REV3L: variants seen among roughly 807,000 people sequenced by gnomAD.
REV3L encodes REV3 like, DNA directed polymerase zeta catalytic subunit.
In REV3L, 69 loss-of-function variants were observed where a neutral mutation model predicts 299.4. The observed-to-expected ratio is 0.23, with a 90% CI of 0.19 to 0.28. The LOEUF (loss-of-function observed/expected upper bound fraction) is 0.28. Ranked by LOEUF, REV3L falls within the 10% of genes least tolerant of loss-of-function variation. REV3L has a pLI of 1.00. For synonymous variants in REV3L, 1,238 were observed against 1,271.4 expected, an observed-to-expected ratio of 0.97 and a Z score of 0.56; for missense variants, 3,128 against 3,693.8, an observed-to-expected ratio of 0.85 and a Z score of 3.97.
intron 3 of REV3L, among the ~76,000 whole-genome samples, chr6:111,410,133 A>C (rs752533896): frequency 6.6e-6 from 1 of 152,164 alleles, no homozygotes; most frequent in Non-Finnish European, 1.5e-5. Context: ...GGAGCCCAGG[A>C]GTTTGGGGTT....
At chr6:111,483,559 G>T (rs1197881459), upstream of REV3L, 3 of 486,350 alleles carry the variant, frequency 6.2e-6, no homozygotes, top group Admixed American at 4.7e-5. Flanking sequence ...CGTTTTGGCG[G>T]CTATGCAGGA....
At chr6:111,422,615 C>CACATATATATATATATACAT in intron 1 of REV3L, among the ~76,000 whole-genome samples, 1 of 13,650 alleles carries the variant, frequency 7.3e-5, no homozygotes, top group African/African-American at 1.7e-4. Flanking sequence ...TATATATACA[C>CACATATATATATATATACAT]ATATATATAT....
chr6:111,343,877 T>C, intron 21 of REV3L, 48 bp downstream of exon 21: 6 of 1,240,726 alleles, frequency 4.8e-6, no homozygotes, highest in Non-Finnish European at 6.9e-6. Flanking sequence ...ATAAATTACA[T>C]CTCAATGATG....
chr6:111,377,017 G>A (rs55813047), intron 12 of REV3L, among the ~76,000 whole-genome samples: 9 of 152,016 alleles, frequency 5.9e-5, no homozygotes, highest in African/African-American at 2.2e-4. Context: ...GGGGCATAAG[G>A]GAAAAATACT....
intron 26 of REV3L, among the ~76,000 whole-genome samples, chr6:111,320,183 C>T (rs1224451478): frequency 6.6e-6 from 1 of 152,176 alleles, no homozygotes; most frequent in East Asian, 1.9e-4. Context: ...ATTCTCCTGC[C>T]TCAGCCTCCC....
intron 16 of REV3L, among the ~76,000 whole-genome samples, chr6:111,359,813 G>C (rs991531920): frequency 1.1e-4 from 16 of 152,196 alleles, no homozygotes; most frequent in African/African-American, 3.9e-4. Context: ...ACAGATTCCT[G>C]TTTCAATATT....
chr6:111,366,919 A>T (rs1183810183), intron 14 of REV3L, among the ~76,000 whole-genome samples, 196 bp downstream of exon 14: 1 of 152,246 alleles, frequency 6.6e-6, no homozygotes, highest in Non-Finnish European at 1.5e-5. Flanking sequence ...CCCACAAGAC[A>T]GGATGGAAGC....
At chr6:111,476,717 A>G (rs1792986235) in intron 1 of REV3L, among the ~76,000 whole-genome samples, 1 of 152,250 alleles carries the variant, frequency 6.6e-6, no homozygotes. Context: ...ACATACAAGT[A>G]AGAATAATAC....
chr6:111,315,744 C>G (rs1773448700), intron 26 of REV3L: 1 of 201,330 alleles, frequency 5.0e-6, no homozygotes, highest in Non-Finnish European at 1.0e-5. Flanking sequence ...AGTGGCAGAT[C>G]AGTCAGATCA....
At chr6:111,329,174 A>G (rs1342493820) in intron 25 of REV3L, among the ~76,000 whole-genome samples, 1 of 151,940 alleles carries the variant, frequency 6.6e-6, no homozygotes. Context: ...CTCTTGAGTA[A>G]CTGGGATTAC....
Position 111,392,924 on chromosome 6 carries a change from T to C in REV3L, c.614A>G (p.Asn205Ser), listed in dbSNP as rs1045430971. Residue 205 changes from asparagine to serine, a missense_variant, in exon 5 of 32, where the codon AAT becomes AGT. Asn to Ser is a conservative substitution (Grantham distance 46, BLOSUM62 1). Around this residue, in one of 9 missense-constraint regions of REV3L, gnomAD observed 2,409 missense variants for 2,611.8 expected, o/e 0.92. Coordinates refer to ENST00000368802, the MANE Select transcript of REV3L (RefSeq NM_001372078.1). ...TGSCKNHLSG[N>S]SLADTLFRWE... The stretch of plus-strand genomic sequence containing the variant: ...CCGAAATAAAGTATCAGCAAGAGAA[T>C]TTCCTGATAAATGATTCTTGCAGGA... 2 of 1,612,958 alleles carry C rather than the reference T, an allele frequency of 1.2e-6. No individual in the cohort carries two copies. Among genetic ancestry groups the C allele is most frequent in the Admixed American group, 1.7e-5 (1 of 60,028 alleles).
In REV3L at chr6:111,475,103, C is replaced by T. The variant is rs555875340; in HGVS notation, c.139+7647G>A. On this transcript the variant is annotated intron_variant, in intron 1 of 31. Coordinates refer to ENST00000368802, the MANE Select transcript of REV3L (RefSeq NM_001372078.1). ...TATAAAAATATATATTTTAACCACA[C>T]GAATGGCAGCAAACTGCACATGCAG... is the stretch of plus-strand genomic sequence containing the variant. Among the ~76,000 whole-genome samples the T allele has an allele frequency of 7.3e-5, 11 of 150,178 alleles. No individual in the cohort carries two copies. In the South Asian group the frequency reaches 1.7e-3, roughly 23 times the overall value.
Position 111,328,530 on chromosome 6 carries a change from G to A in REV3L, c.8241+1002C>T, listed in dbSNP as rs544213988. Among the ~76,000 whole-genome samples, 14 of 152,324 alleles carry A rather than the reference G, an allele frequency of 9.2e-5. No individual in the cohort carries two copies. The East Asian group carries it at 2.7e-3, about 29-fold the overall frequency. ...GTGGCACTGAAATTTTATGCTAATA[G>A]AAAGTTACAGTATAGTTATGAAGAT... On this transcript the variant is annotated intron_variant, in intron 25 of 31. Transcript: ENST00000368802.
chr6:111,431,174 C>G (rs567316212), intron 1 of REV3L: 1 of 1,562,442 alleles, frequency 6.4e-7, no homozygotes, highest in Non-Finnish European at 8.8e-7. Context: ...TTTTTGGCCA[C>G]GTGCCAAGAT....
In REV3L at chr6:111,431,010, C is replaced by A. The variant is rs963238347; in HGVS notation, c.140-14538G>T. The A allele has an allele frequency of 5.8e-6, 9 of 1,563,058 alleles. No individual in the cohort carries two copies. In the African/African-American group the frequency reaches 1.2e-4, roughly 21 times the overall value. ...TTCAAAGAGGACAAAAGAACAAAGT[C>A]ACTCCAGTGTTATATTTGAATTATG... On this transcript the variant is annotated intron_variant, in intron 1 of 31. Transcript: ENST00000368802.
In REV3L at chr6:111,438,498, T is replaced by C. The variant is rs116642083; in HGVS notation, c.140-22026A>G. 3.1e-3 allele frequency among the ~76,000 whole-genome samples: 448 copies of C among 143,956 alleles called. 4 individuals are homozygous for C. The highest frequency in any genetic ancestry group is 0.011 in the African/African-American group (413 of 37,416). The allele number at this position is 143,956 out of a possible 152,430, so 94.4% of individuals were successfully genotyped here. A position where few individuals can be genotyped will look rare whatever the true frequency, so the allele number is the denominator to read the frequency against. On this transcript the variant is annotated intron_variant, in intron 1 of 31. Transcript: ENST00000368802. ...CCTGGCTTTAAACCCTGAATCATAT[T>C]AAGATTAAAAAAAAAAAAAAAGAGG...
intron 1 of REV3L, among the ~76,000 whole-genome samples, chr6:111,465,111 T>C (rs1303248769): frequency 8.2e-6 from 1 of 122,690 alleles, no homozygotes; most frequent in Admixed American, 9.1e-5. Context: ...TGAGATGGAG[T>C]TTCTCTCTTG....
chr6:111,467,780 T>A (rs1446381013), intron 1 of REV3L, among the ~76,000 whole-genome samples: 1 of 152,184 alleles, frequency 6.6e-6, no homozygotes, highest in African/African-American at 2.4e-5. Flanking sequence ...CATCTGTGGA[T>A]TTTTATATCC....
At chr6:111,445,432 T>C (rs1788730985) in intron 1 of REV3L, among the ~76,000 whole-genome samples, 1 of 152,236 alleles carries the variant, frequency 6.6e-6, no homozygotes, top group Admixed American at 6.5e-5. Flanking sequence ...TTAAAAGTAT[T>C]AAATATATTT....
Sources: allele counts gnomAD v4.1 joint callset (sites outside exome capture counted in the v4.1 genomes callset), GRCh38; gene constraint gnomAD v4.1.1; regional missense constraint gnomAD v4.1.1; transcripts MANE v1.5; gene names NCBI Gene and HGNC (gene_info 2026-07-23, HGNC 2026-07-21).